CHD9NB: variants seen among roughly 807,000 people sequenced by gnomAD.
CHD9NB encodes CHD9 neighbor.
At chr16:53,036,666 G>A in the CHD9NB span, among the ~76,000 whole-genome samples, 3 of 152,132 alleles carry the variant, frequency 2.0e-5, no homozygotes, top group East Asian at 3.8e-4. Context: ...TTGCTATGTG[G>A]GCTCTAGATT....
At chr16:53,037,460 C>T in the CHD9NB span, among the ~76,000 whole-genome samples, 1 of 151,980 alleles carries the variant, frequency 6.6e-6, no homozygotes, top group Non-Finnish European at 1.5e-5. Flanking sequence ...ATGGGATAGC[C>T]CAAAGGAAAA....
At chr16:53,042,167 C>G in the CHD9NB span, among the ~76,000 whole-genome samples, 3 of 152,044 alleles carry the variant, frequency 2.0e-5, no homozygotes, top group South Asian at 2.1e-4. Context: ...TCCCTTTCTC[C>G]CTCCCTGCCT....
chr16:53,041,780 T>TAA, the CHD9NB span, among the ~76,000 whole-genome samples: 50 of 144,724 alleles, frequency 3.5e-4, 1 homozygote, highest in African/African-American at 1.1e-3. Flanking sequence ...AGAGTTGTCT[T>TAA]AAAAAAAAAA....
the CHD9NB span, among the ~76,000 whole-genome samples, chr16:53,051,837 A>G: frequency 6.9e-6 from 1 of 144,128 alleles, no homozygotes; most frequent in Non-Finnish European, 1.5e-5. Context: ...ATCCTGTTCC[A>G]TATATAAAGC....
At chr16:53,036,661 A>C in the CHD9NB span, among the ~76,000 whole-genome samples, 1 of 152,174 alleles carries the variant, frequency 6.6e-6, no homozygotes, top group Non-Finnish European at 1.5e-5. Context: ...ACCACTTGCT[A>C]TGTGGGCTCT....
At chr16:53,039,740 CA>C in the CHD9NB span, among the ~76,000 whole-genome samples, 135,454 of 145,296 alleles carry the variant, frequency 0.93, 63,235 homozygotes, top group Non-Finnish European at 0.97. Flanking sequence ...GATTCCATCT[CA>C]AAAAAAAAAA....
the CHD9NB span, among the ~76,000 whole-genome samples, chr16:53,036,209 A>G: frequency 6.6e-6 from 1 of 152,186 alleles, no homozygotes; most frequent in Non-Finnish European, 1.5e-5. Context: ...AATTCATGCA[A>G]CCTTCATAAA....
chr16:53,042,486 C>G, the CHD9NB span, among the ~76,000 whole-genome samples: 1 of 149,966 alleles, frequency 6.7e-6, no homozygotes, highest in East Asian at 2.0e-4. Context: ...CTACCTCTTT[C>G]CTCTTTCTCT....
chr16:53,051,325 G>A, the CHD9NB span, among the ~76,000 whole-genome samples: 1 of 152,176 alleles, frequency 6.6e-6, no homozygotes, highest in African/African-American at 2.4e-5. Flanking sequence ...TCCCTTTGAA[G>A]AAAAGGGTGA....
chr16:53,047,710 A>G, the CHD9NB span, among the ~76,000 whole-genome samples: 2 of 152,146 alleles, frequency 1.3e-5, no homozygotes, highest in African/African-American at 2.4e-5. Flanking sequence ...ATAAATTTGG[A>G]GGTAGGGCCG....
chr16:53,040,121 T>A, the CHD9NB span, among the ~76,000 whole-genome samples: 1 of 152,000 alleles, frequency 6.6e-6, no homozygotes, highest in African/African-American at 2.4e-5. Context: ...ATAGAGTGCA[T>A]GGTCATGGTG....
At chr16:53,038,714 G>T in the CHD9NB span, among the ~76,000 whole-genome samples, 4 of 152,272 alleles carry the variant, frequency 2.6e-5, no homozygotes, top group South Asian at 8.3e-4. Flanking sequence ...GGGTTTTATT[G>T]TAGGGGAGAG....
At chr16:53,037,288 C>T in the CHD9NB span, among the ~76,000 whole-genome samples, 14 of 152,166 alleles carry the variant, frequency 9.2e-5, no homozygotes, top group Non-Finnish European at 1.8e-4. Flanking sequence ...ACAACAAGGG[C>T]TTTAGCTGCC....
At chr16:53,044,364 T>G in the CHD9NB span, 23 of 390,408 alleles carry the variant, frequency 5.9e-5, no homozygotes, top group Admixed American at 3.1e-4. Flanking sequence ...GAGCTGCCCT[T>G]CCGGCTAACC....
At chr16:53,036,441 G>T in the CHD9NB span, among the ~76,000 whole-genome samples, 1 of 152,144 alleles carries the variant, frequency 6.6e-6, no homozygotes, top group Admixed American at 6.5e-5. Flanking sequence ...TTACATGTTG[G>T]TTTTTCCAGA....
the CHD9NB span, among the ~76,000 whole-genome samples, chr16:53,041,949 G>T: frequency 6.6e-6 from 1 of 152,156 alleles, no homozygotes; most frequent in Non-Finnish European, 1.5e-5. Context: ...CAGCTGACAG[G>T]GCCCCCATCC....
the CHD9NB span, among the ~76,000 whole-genome samples, chr16:53,040,168 C>T: frequency 6.6e-6 from 1 of 152,108 alleles, no homozygotes; most frequent in African/African-American, 2.4e-5. Context: ...CTCCCAGATT[C>T]AAGCGATTCT....
the CHD9NB span, among the ~76,000 whole-genome samples, chr16:53,052,211 AC>A: frequency 8.7e-5 from 13 of 148,738 alleles, no homozygotes; most frequent in East Asian, 2.0e-4. Context: ...AAAAAAAAAA[AC>A]AATAAACCCC....
the CHD9NB span, among the ~76,000 whole-genome samples, chr16:53,050,794 T>C: frequency 6.6e-6 from 1 of 152,016 alleles, no homozygotes; most frequent in Non-Finnish European, 1.5e-5. Context: ...CCTCTTTCCT[T>C]CTCTACGCCT....
Sources: allele counts gnomAD v4.1 joint callset (sites outside exome capture counted in the v4.1 genomes callset), GRCh38; gene constraint gnomAD v4.1.1; transcripts MANE v1.5; gene names NCBI Gene and HGNC (gene_info 2026-07-23, HGNC 2026-07-21).